The following ERBB4 variants were observed in gnomAD, a reference collection of about 807,000 sequenced individuals.
The protein encoded by ERBB4 is erb-b2 receptor tyrosine kinase 4.
ERBB4 carries 42 observed loss-of-function variants against 158.0 expected under a neutral mutation model. The observed-to-expected ratio is 0.27, with a 90% CI of 0.21 to 0.34. ERBB4 has a LOEUF of 0.34. Ranked by LOEUF, ERBB4 falls within the 10% of genes least tolerant of loss-of-function variation. ERBB4 has a pLI of 1.00. For missense variants in ERBB4, 1,333 were observed against 1,624.1 expected (o/e 0.82, Z 3.08); for synonymous variants, 583 against 558.7 (o/e 1.04, Z -0.61).
intron 23 of ERBB4, among the ~76,000 whole-genome samples, chr2:211,423,690 CCTGA>C (rs1473775296): frequency 6.6e-6 from 1 of 151,876 alleles, no homozygotes; most frequent in African/African-American, 2.4e-5. Flanking sequence ...CTAATTTGCT[CCTGA>C]CTAAAACCAG....
At chr2:211,871,782 T>G (rs988635112) in intron 3 of ERBB4, among the ~76,000 whole-genome samples, 2 of 152,206 alleles carry the variant, frequency 1.3e-5, no homozygotes, top group African/African-American at 4.8e-5. Flanking sequence ...AGAAGTTACA[T>G]TACAGTGACA....
chr2:211,784,118 T>C (rs900072181), intron 4 of ERBB4, among the ~76,000 whole-genome samples: 10 of 152,206 alleles, frequency 6.6e-5, no homozygotes, highest in African/African-American at 2.2e-4. Flanking sequence ...AAAGAGAACA[T>C]AATATTTACC....
At chr2:212,013,066 T>C (rs530456618) in intron 2 of ERBB4, among the ~76,000 whole-genome samples, 2 of 151,688 alleles carry the variant, frequency 1.3e-5, no homozygotes, top group East Asian at 3.9e-4. Context: ...TCCTTTTTTT[T>C]TTTTTTTTGA....
At chr2:211,557,392 C>G (rs1471202813) in intron 20 of ERBB4, among the ~76,000 whole-genome samples, 1 of 152,026 alleles carries the variant, frequency 6.6e-6, no homozygotes, top group Non-Finnish European at 1.5e-5. Context: ...TATCTAGCAT[C>G]TATATGGAAC....
At chr2:212,229,563 A>G (rs1322033608) in intron 1 of ERBB4, among the ~76,000 whole-genome samples, 1 of 152,204 alleles carries the variant, frequency 6.6e-6, no homozygotes, top group Non-Finnish European at 1.5e-5. Flanking sequence ...AAAGAGGGTC[A>G]TAAGAGTACT....
chr2:211,508,569 G>A (rs145982106), intron 20 of ERBB4, among the ~76,000 whole-genome samples: 5,758 of 152,218 alleles, frequency 0.038, 383 homozygotes, highest in African/African-American at 0.13. Flanking sequence ...ACAGTGTGGC[G>A]ATTCATCAAA....
chr2:212,042,272 G>A (rs1015704989), intron 2 of ERBB4, among the ~76,000 whole-genome samples: 1 of 151,994 alleles, frequency 6.6e-6, no homozygotes, highest in Non-Finnish European at 1.5e-5. Context: ...CCTTGCAGGC[G>A]CTTTCCTTTC....
At chr2:212,366,961 A>G (rs909573651) in intron 1 of ERBB4, among the ~76,000 whole-genome samples, 2 of 151,936 alleles carry the variant, frequency 1.3e-5, no homozygotes, top group African/African-American at 2.4e-5. Context: ...CTAACCCCCA[A>G]TGTGACTGTA....
At chr2:211,850,872 T>C (rs2077702453) in intron 3 of ERBB4, among the ~76,000 whole-genome samples, 1 of 151,942 alleles carries the variant, frequency 6.6e-6, no homozygotes, top group Non-Finnish European at 1.5e-5. Context: ...AGTAATAATA[T>C]CAATTATATT....
intron 19 of ERBB4, among the ~76,000 whole-genome samples, chr2:211,606,855 T>C (rs1456403697): frequency 6.6e-6 from 1 of 152,148 alleles, no homozygotes; most frequent in Non-Finnish European, 1.5e-5. Flanking sequence ...AGGCACTGGG[T>C]GCATTGTTTT....
At chr2:212,162,295 A>G (rs2081223840) in intron 1 of ERBB4, among the ~76,000 whole-genome samples, 1 of 151,916 alleles carries the variant, frequency 6.6e-6, no homozygotes, top group Non-Finnish European at 1.5e-5. Context: ...TAAAAACATT[A>G]TCTTTGAAAA....
At chr2:211,428,379 G>A (rs916739197) in intron 22 of ERBB4, 29 bp downstream of exon 22, 5 of 1,327,182 alleles carry the variant, frequency 3.8e-6, no homozygotes, top group Non-Finnish European at 5.4e-6. Flanking sequence ...TGCTTTACAA[G>A]CTTTAATTCG....
intron 3 of ERBB4, among the ~76,000 whole-genome samples, chr2:211,913,649 GTGTGTGTGTATGTGTGTA>G (rs1575366537): frequency 7.1e-6 from 1 of 140,610 alleles, no homozygotes; most frequent in South Asian, 2.2e-4. Flanking sequence ...GTGTGTGTGT[GTGTGTGTGTATGTGTGTA>G]TGTGTGTGTG....
At chr2:211,898,894 G>A (rs959860052) in intron 3 of ERBB4, among the ~76,000 whole-genome samples, 1 of 152,066 alleles carries the variant, frequency 6.6e-6, no homozygotes, top group African/African-American at 2.4e-5. Flanking sequence ...TGTATTTATA[G>A]ACCAGTATTA....
chr2:212,037,024 G>A (rs2077031149), intron 2 of ERBB4, among the ~76,000 whole-genome samples: 1 of 152,292 alleles, frequency 6.6e-6, no homozygotes, highest in Admixed American at 6.5e-5. Flanking sequence ...CTACAGTAGA[G>A]AAAATTATTC....
chr2:212,192,372 G>A (rs1173707212), intron 1 of ERBB4, among the ~76,000 whole-genome samples: 3 of 151,468 alleles, frequency 2.0e-5, no homozygotes, highest in Non-Finnish European at 4.4e-5. Context: ...CAATTCCTCA[G>A]TTTTCATAGT....
intron 16 of ERBB4, among the ~76,000 whole-genome samples, chr2:211,633,525 CTT>C (rs2070229860): frequency 1.7e-5 from 1 of 59,230 alleles, no homozygotes; most frequent in Non-Finnish European, 3.7e-5. Flanking sequence ...GTTTTTCTCT[CTT>C]TGACATTTAA....
intron 20 of ERBB4, among the ~76,000 whole-genome samples, chr2:211,522,997 C>A (rs1324807922): frequency 6.6e-6 from 1 of 150,778 alleles, no homozygotes; most frequent in Non-Finnish European, 1.5e-5. Flanking sequence ...TGGTAAGATG[C>A]ATTAGTGATC....
intron 5 of ERBB4, among the ~76,000 whole-genome samples, chr2:211,725,492 T>G (rs1275823702): frequency 2.6e-4 from 1 of 3,822 alleles, no homozygotes; most frequent in Admixed American, 3.8e-3. Context: ...GTGCCCGTAA[T>G]CCCAACTACT....
Sources: allele counts gnomAD v4.1 joint callset (sites outside exome capture counted in the v4.1 genomes callset), GRCh38; gene constraint gnomAD v4.1.1; transcripts MANE v1.5; gene names NCBI Gene and HGNC (gene_info 2026-07-23, HGNC 2026-07-21).